The following RTN4 variants were observed in gnomAD, a reference collection of about 807,000 sequenced individuals.
RTN4 encodes reticulon-4.
A neutral mutation model predicts 90.4 loss-of-function variants in RTN4; 32 were observed. The observed-to-expected ratio is 0.35, with a 90% CI of 0.27 to 0.48. The LOEUF is 0.48. Among genes scored for constraint, RTN4 ranks in the 20% least tolerant of loss-of-function variants. RTN4 has a pLI of 0.99. For synonymous variants in RTN4, 629 were observed against 552.5 expected (o/e 1.14, Z -1.94); for missense variants, 1,706 against 1,430.2 (o/e 1.19, Z -3.11).
At chr2:55,034,073 G>A (rs1311031467) in intron 1 of RTN4, among the ~76,000 whole-genome samples, 1 of 152,094 alleles carries the variant, frequency 6.6e-6, no homozygotes, top group Non-Finnish European at 1.5e-5. Flanking sequence ...ATTATGACAA[G>A]AGGCTTACAG....
chr2:54,976,195 A>G (rs1677619491), intron 5 of RTN4, among the ~76,000 whole-genome samples: 1 of 152,216 alleles, frequency 6.6e-6, no homozygotes, highest in African/African-American at 2.4e-5. Flanking sequence ...GAAGATAGTA[A>G]CAAACACAAG....
chr2:54,982,521 A>G lies in RTN4; in HGVS notation c.3354T>C (p.Ser1118=). The G allele has an allele frequency of 6.2e-7, 1 of 1,608,594 alleles. No individual in the cohort carries two copies. Among genetic ancestry groups the G allele is most frequent in the Non-Finnish European group, 8.5e-7 (1 of 1,178,558 alleles). Residue 1118 remains serine (S), a synonymous_variant, in exon 5 of 9, where the codon TCT becomes TCC. Coordinates refer to ENST00000337526, the MANE Select transcript of RTN4 (RefSeq NM_020532.5). ...RLFLVDDLVD[S]LKFAVLMWVF... The stretch of plus-strand genomic sequence containing the variant: ...AAAGGCAAAATAAACTTACCTTCAG[A>G]GAATCAACTAAATCATCAACTAAGA...
intron 3 of RTN4, among the ~76,000 whole-genome samples, chr2:55,011,932 G>A (rs991945360): frequency 1.8e-4 from 27 of 152,206 alleles, no homozygotes; most frequent in African/African-American, 6.5e-4. Context: ...TTGAGAACCC[G>A]GTCAGCAAGC....
At chr2:55,036,693 G>A (rs1162938630) in intron 1 of RTN4, among the ~76,000 whole-genome samples, 3 of 149,872 alleles carry the variant, frequency 2.0e-5, no homozygotes, top group East Asian at 3.9e-4. Flanking sequence ...AGCCCGAAAA[G>A]GAAAAACCAT....
intron 3 of RTN4, chr2:55,014,282 A>G (rs1680866795): frequency 6.6e-6 from 1 of 152,176 alleles, no homozygotes; most frequent in African/African-American, 2.4e-5. Flanking sequence ...AACATAAGGT[A>G]CCAAAAATGA....
chr2:55,039,605 C>T (rs1682931406), intron 1 of RTN4, among the ~76,000 whole-genome samples: 1 of 152,084 alleles, frequency 6.6e-6, no homozygotes, highest in Admixed American at 6.6e-5. Context: ...TATGGTGAAA[C>T]CCCATCTCTA....
In RTN4 at chr2:54,973,616, CTG is replaced by C; in HGVS notation, c.3481_3482del (p.Gln1161AspfsTer10). On this transcript the variant is annotated frameshift_variant, in exon 8 of 9. Coordinates refer to ENST00000337526, the MANE Select transcript of RTN4 (RefSeq NM_020532.5). LOFTEE classifies it high-confidence loss of function. Reference protein sequence around the residue: ...VPVIYERHQAQIDHYLGLANK... With the variant: ...VPVIYERHQAXIDHYLGLANK... ...TTGCAAGTCCTAGATAATGATCTAT[CTG>C]TGCCTGAAAGAGAGGTATAAAGGAA... 2 of 1,609,420 alleles carry C rather than the reference CTG, an allele frequency of 1.2e-6. No individual in the cohort carries two copies. The highest frequency in any genetic ancestry group is 8.5e-7 in the Non-Finnish European group (1 of 1,175,824).
chr2:55,081,692 A>G (rs1202338946), intron 1 of RTN4, among the ~76,000 whole-genome samples: 1 of 151,922 alleles, frequency 6.6e-6, no homozygotes, highest in African/African-American at 2.4e-5. Context: ...ATGAGACCTC[A>G]TCTCTCAAAA....
chr2:54,981,919 T>C (rs1678163984), intron 5 of RTN4, among the ~76,000 whole-genome samples: 1 of 152,040 alleles, frequency 6.6e-6, no homozygotes. Context: ...TCCTTTCCTT[T>C]TAATCTTTAT....
chr2:55,064,919 G>C (rs1282740157), intron 2 of RTN4, among the ~76,000 whole-genome samples: 2 of 151,958 alleles, frequency 1.3e-5, no homozygotes, highest in Non-Finnish European at 2.9e-5. Context: ...AAAGTGATAG[G>C]GTATCAAATT....
At chr2:54,976,541 C>A (rs1573264459) in intron 5 of RTN4, among the ~76,000 whole-genome samples, 1 of 152,156 alleles carries the variant, frequency 6.6e-6, no homozygotes, top group Non-Finnish European at 1.5e-5. Flanking sequence ...GCCAGTGTTG[C>A]CAGAAATGTA....
rs138368192 is a variant in RTN4 at position 55,024,216 on chromosome 2, C to T, written c.3013+870G>A. On this transcript the variant is annotated intron_variant, in intron 3 of 8. Transcript: ENST00000337526. ...CCTGGGGTCATCTTTACCTCTTCCC[C>T]TCATCCTTTATGTCCCTATCCGTCA... Among the ~76,000 whole-genome samples, 661 of 152,230 alleles carry T rather than the reference C, an allele frequency of 4.3e-3. 7 individuals carry two copies. The highest frequency in any genetic ancestry group is 0.015 in the African/African-American group (638 of 41,532).
intron 2 of RTN4, among the ~76,000 whole-genome samples, chr2:55,072,667 C>T (rs190921623): frequency 2.0e-5 from 3 of 152,276 alleles, no homozygotes; most frequent in East Asian, 3.9e-4. Context: ...TACCATCTTG[C>T]TGTTCTAGAT....
chr2:55,111,588 C>T (rs1463062146), intron 1 of RTN4, among the ~76,000 whole-genome samples: 2 of 152,158 alleles, frequency 1.3e-5, no homozygotes, highest in African/African-American at 4.8e-5. Flanking sequence ...TTCCACAGCA[C>T]CTCCCACCCT....
At position 54,973,167 on chromosome 2, in the gene RTN4, T is replaced by G; in HGVS notation, c.3568A>C (p.Lys1190Gln). Reference sequence around the variant, plus strand: ...TATTTTGGGCGTTTTCATTCAGCTTTGCGCTTCAATCCAGGGATTTTTGCT... The same window carrying G: ...TATTTTGGGCGTTTTCATTCAGCTTGGCGCTTCAATCCAGGGATTTTTGCT... Reference protein sequence around the residue: ...IQAKIPGLKRKAE With the variant: ...IQAKIPGLKRQAE The change falls in exon 9 of 9, where the codon AAA (lysine) becomes CAA (glutamine). Residue 1190 changes from lysine to glutamine, a missense_variant. Physicochemically the swap from Lys to Gln is moderately conservative, Grantham distance 53 (BLOSUM62 1). Coordinates refer to ENST00000337526, the MANE Select transcript of RTN4 (RefSeq NM_020532.5). 6.2e-7 allele frequency: 1 copy of G among 1,604,874 alleles called. No homozygotes were observed. Among genetic ancestry groups the G allele is most frequent in the African/African-American group, 1.3e-5 (1 of 74,936 alleles).
rs200421222 is a variant in RTN4 at position 55,025,965 on chromosome 2, C to G, written c.2134G>C (p.Ala712Pro). ...IKETKLSAEPAPDFSDYSEMA... is the reference protein window; with the variant it reads ...IKETKLSAEPPPDFSDYSEMA... ...TCTGAATAATCAGAGAAATCCGGAG[C>G]TGGTTCAGCAGAAAGCTTTGTTTCT... is the stretch of plus-strand genomic sequence containing the variant. Residue 712 changes from alanine to proline, a missense_variant, in exon 3 of 9, where the codon GCT (alanine) becomes CCT (proline). Transcript: ENST00000337526. 11 of 1,612,988 alleles carry G rather than the reference C, an allele frequency of 6.8e-6. No individual in the cohort carries two copies. Among genetic ancestry groups the G allele is most frequent in the Non-Finnish European group, 9.3e-6 (11 of 1,179,828 alleles).
At chr2:54,973,989 A>AAACAT in intron 6 of RTN4, 122 bp from the exon 7 acceptor site, 2 of 794,940 alleles carry the variant, frequency 2.5e-6, no homozygotes, top group South Asian at 3.6e-5. Context: ...GAATGAATAA[A>AAACAT]AACATAAGGA....
chr2:55,090,993 T>C (rs530597875), intron 1 of RTN4, among the ~76,000 whole-genome samples: 1 of 152,236 alleles, frequency 6.6e-6, no homozygotes, highest in East Asian at 1.9e-4. Flanking sequence ...TCTCTGCACA[T>C]CTCCATTGAT....
At chr2:55,095,468 A>C (rs1669014670) in intron 1 of RTN4, among the ~76,000 whole-genome samples, 1 of 152,224 alleles carries the variant, frequency 6.6e-6, no homozygotes, top group Non-Finnish European at 1.5e-5. Context: ...TGATGAACCA[A>C]CCAATGTTGA....
Sources: gnomAD v4.1 joint callset for allele counts (sites outside exome capture counted in the v4.1 genomes callset) on GRCh38, gnomAD v4.1.1 for gene constraint, MANE v1.5 for transcripts, NCBI Gene and HGNC (gene_info 2026-07-23, HGNC 2026-07-21) for gene names.